The following KCNH8 variants were observed in gnomAD, a reference collection of about 807,000 sequenced individuals.
KCNH8 encodes the protein voltage-gated delayed rectifier potassium channel KCNH8.
A neutral mutation model predicts 103.6 loss-of-function variants in KCNH8; 70 were observed. The ratio of observed to expected loss-of-function variants is 0.68; its 90% CI spans 0.56 to 0.82. The LOEUF is 0.82. Among genes scored for constraint, KCNH8 ranks in the 40% least tolerant of loss-of-function variants. The pLI, the probability that KCNH8 is intolerant of heterozygous loss-of-function variation, is 0.00. For missense variants in KCNH8, 1,217 were observed against 1,329.9 expected (o/e 0.92, Z 1.32); for synonymous variants, 498 against 489.4 (o/e 1.02, Z -0.23).
intron 2 of KCNH8, among the ~76,000 whole-genome samples, chr3:19,275,264 G>C (rs74995314): frequency 0.013 from 1,926 of 151,948 alleles, 34 homozygotes; most frequent in African/African-American, 0.042. Flanking sequence ...CTACCCATCT[G>C]TTTTTAACGC....
intron 3 of KCNH8, among the ~76,000 whole-genome samples, chr3:19,289,221 T>G (rs571775491): frequency 3.9e-5 from 6 of 152,028 alleles, no homozygotes; most frequent in Admixed American, 3.9e-4. Context: ...GCAGAAGCTC[T>G]TTAGTTTAAT....
intron 11 of KCNH8, among the ~76,000 whole-genome samples, chr3:19,461,626 T>A (rs191607694): frequency 1.3e-4 from 20 of 152,276 alleles, no homozygotes; most frequent in Admixed American, 5.9e-4. Context: ...TATCTATACA[T>A]CCTTATTTTT....
At chr3:19,389,916 C>A (rs1173434508) in intron 5 of KCNH8, among the ~76,000 whole-genome samples, 1 of 152,086 alleles carries the variant, frequency 6.6e-6, no homozygotes, top group Non-Finnish European at 1.5e-5. Context: ...AGGCATGAGC[C>A]ACCATGCCCG....
chr3:19,169,580 A>T (rs74283471), intron 1 of KCNH8, among the ~76,000 whole-genome samples: 4 of 152,260 alleles, frequency 2.6e-5, no homozygotes, highest in South Asian at 4.1e-4. Context: ...CATTGGAATG[A>T]AAGAAGCGTT....
chr3:19,519,306 G>A (rs1317812081), intron 15 of KCNH8, among the ~76,000 whole-genome samples: 1 of 151,668 alleles, frequency 6.6e-6, no homozygotes, highest in Admixed American at 6.6e-5. Context: ...TGACACTTTG[G>A]GGAAAATGTA....
intron 8 of KCNH8, among the ~76,000 whole-genome samples, chr3:19,445,217 G>C (rs183152744): frequency 1.3e-5 from 2 of 151,786 alleles, no homozygotes; most frequent in Non-Finnish European, 3.0e-5. Context: ...GAAGCCAGAC[G>C]AAAAAAAGTA....
chr3:19,363,846 C>T (rs759446669), intron 5 of KCNH8, among the ~76,000 whole-genome samples: 12 of 152,034 alleles, frequency 7.9e-5, no homozygotes, highest in Non-Finnish European at 1.3e-4. Flanking sequence ...AGTCATTTTC[C>T]TGAAAACTGC....
intron 5 of KCNH8, among the ~76,000 whole-genome samples, chr3:19,358,142 GCCTT>G (rs1256633782): frequency 1.3e-5 from 2 of 150,512 alleles, no homozygotes; most frequent in Non-Finnish European, 3.0e-5. Context: ...ATACTGGCCG[GCCTT>G]CCTTCCTTCC....
chr3:19,169,437 G>A (rs74545634), intron 1 of KCNH8, among the ~76,000 whole-genome samples: 3,664 of 151,920 alleles, frequency 0.024, 169 homozygotes, highest in African/African-American at 0.082. Context: ...TAGTAGAGAT[G>A]GGTTTTCACC....
intron 4 of KCNH8, chr3:19,346,852 T>A (rs2065736465): frequency 2.8e-6 from 1 of 351,190 alleles, no homozygotes; most frequent in South Asian, 2.3e-5. Flanking sequence ...GGTCTGCAAG[T>A]AGCTGGTCAC....
intron 1 of KCNH8, among the ~76,000 whole-genome samples, chr3:19,183,553 A>G (rs764661814): frequency 2.0e-5 from 3 of 152,204 alleles, no homozygotes; most frequent in Non-Finnish European, 4.4e-5. Context: ...TAAGTGGACT[A>G]AAGGCTTAAA....
At chr3:19,352,185 A>G (rs899898447) in intron 5 of KCNH8, among the ~76,000 whole-genome samples, 14 of 152,208 alleles carry the variant, frequency 9.2e-5, no homozygotes, top group Middle Eastern at 6.3e-3. Flanking sequence ...AGAGCTAATT[A>G]TCCTAAACAT....
intron 11 of KCNH8, among the ~76,000 whole-genome samples, chr3:19,475,192 T>G (rs1193002674): frequency 2.6e-5 from 4 of 152,184 alleles, no homozygotes; most frequent in Admixed American, 2.6e-4. Flanking sequence ...TTGTCTATAT[T>G]TTGCTAAATG....
chr3:19,448,534 G>T (rs2067395984), intron 8 of KCNH8, among the ~76,000 whole-genome samples: 1 of 152,024 alleles, frequency 6.6e-6, no homozygotes, highest in African/African-American at 2.4e-5. Context: ...AATTAAGTTA[G>T]TATGCCAGTG....
chr3:19,521,358 T>C (rs146438200), intron 15 of KCNH8, among the ~76,000 whole-genome samples: 86 of 152,108 alleles, frequency 5.7e-4, no homozygotes, highest in African/African-American at 2.0e-3. Flanking sequence ...AAGCTTAGAT[T>C]TGTCCTCTAT....
rs557781995 is a variant in KCNH8, at chr3:19,286,752, T to C, written c.442+5423T>C. 5.3e-5 allele frequency among the ~76,000 whole-genome samples: 8 copies of C among 152,328 alleles called. No individual in the cohort carries two copies. The South Asian group carries it at 1.7e-3, about 32-fold the overall frequency. ...TTTTTGTGTTGTATTGTTTAGGGAA[T>C]AATGACAAGAAAAAAGCCTATACAT... On this transcript the variant is annotated intron_variant, in intron 3 of 15. Coordinates refer to ENST00000328405, the MANE Select transcript of KCNH8 (RefSeq NM_144633.3).
intron 11 of KCNH8, among the ~76,000 whole-genome samples, chr3:19,500,847 A>T (rs954367049): frequency 2.0e-4 from 30 of 152,212 alleles, no homozygotes; most frequent in Non-Finnish European, 3.8e-4. Flanking sequence ...CAAAATTGAC[A>T]CCCTAACATG....
intron 2 of KCNH8, among the ~76,000 whole-genome samples, chr3:19,268,329 A>C (rs1311350383): frequency 6.6e-6 from 1 of 152,126 alleles, no homozygotes; most frequent in Admixed American, 6.6e-5. Flanking sequence ...TTGAAGGATG[A>C]GTAGAAATTG....
intron 3 of KCNH8, among the ~76,000 whole-genome samples, chr3:19,292,968 T>C (rs1243969337): frequency 2.0e-5 from 3 of 152,306 alleles, no homozygotes; most frequent in Admixed American, 6.5e-5. Flanking sequence ...TGCCAATAAA[T>C]CAAGGTTTGG....
Sources: allele counts gnomAD v4.1 joint callset (sites outside exome capture counted in the v4.1 genomes callset), GRCh38; gene constraint gnomAD v4.1.1; transcripts MANE v1.5; gene names NCBI Gene and HGNC (gene_info 2026-07-23, HGNC 2026-07-21).